Variants in HTT observed in about 807,000 individuals in gnomAD.
The protein encoded by HTT is huntingtin.
In HTT, 104 loss-of-function variants were observed where a neutral mutation model predicts 362.3. The observed-to-expected ratio is 0.29, with a 90% CI of 0.24 to 0.34. The LOEUF is 0.34. Among genes scored for constraint, HTT ranks in the 10% least tolerant of loss-of-function variants. The probability of loss-of-function intolerance (pLI) is 1.00; values close to 1 mark genes in which losing one functional copy is unlikely to be tolerated. For missense variants in HTT, 3,301 were observed against 3,928.6 expected (o/e 0.84, Z 4.27); for synonymous variants, 1,577 against 1,548.7 (o/e 1.02, Z -0.43).
chr4:3,186,914 A>G (rs1021407407), intron 38 of HTT, among the ~76,000 whole-genome samples, 195 bp downstream of exon 38: 1 of 147,338 alleles, frequency 6.8e-6, no homozygotes, highest in Non-Finnish European at 1.5e-5. Context: ...GCTGGAGTAC[A>G]GTGTCATGAT....
intron 29 of HTT, among the ~76,000 whole-genome samples, chr4:3,163,233 G>T (rs915336939): frequency 2.0e-5 from 3 of 152,226 alleles, no homozygotes; most frequent in African/African-American, 7.2e-5. Context: ...TACGTTTATT[G>T]ATTTGCGTAT....
At chr4:3,199,659 A>G (rs1719439046) in intron 40 of HTT, 73 bp from the exon 41 acceptor site, 2 of 1,361,932 alleles carry the variant, frequency 1.5e-6, no homozygotes, top group Non-Finnish European at 1.0e-6. Context: ...ATTTTTATGT[A>G]AAATCTTCGC....
rs1721670569 is a variant in HTT at position 3,238,837 on chromosome 4, G to C, written c.9074G>C (p.Ser3025Thr). 2 of 1,607,916 alleles carry C rather than the reference G, an allele frequency of 1.2e-6. No individual in the cohort carries two copies. Among genetic ancestry groups the C allele is most frequent in the African/African-American group, 1.3e-5 (1 of 74,368 alleles). The change falls in exon 66 of 67, where the codon AGC becomes ACC. Residue 3025 changes from serine (S) to threonine (T), a missense_variant. Ser to Thr is a moderately conservative substitution (Grantham distance 58). Around this residue, in one of 4 missense-constraint regions of HTT, gnomAD observed 753 missense variants for 1,021.3 expected, o/e 0.74. Coordinates refer to ENST00000355072, the MANE Select transcript of HTT (RefSeq NM_001388492.1). Reference protein sequence around the residue: ...VVYKVFQTLHSTGQSSMVRDW... With the variant: ...VVYKVFQTLHTTGQSSMVRDW... ...TTGCAGGTGTTTCAGACTCTGCACA[G>C]CACCGGGCAGTCGTCCATGGTCCGG... is the stretch of plus-strand genomic sequence containing the variant.
intron 49 of HTT, 175 bp downstream of exon 49, chr4:3,212,884 C>G: frequency 1.5e-6 from 1 of 661,536 alleles, no homozygotes. Context: ...CATCCTTCAC[C>G]CTCACCTCGC....
At position 3,215,107 on chromosome 4, in the gene HTT, T is replaced by C. The variant is rs1184409566; in HGVS notation, c.6953-3T>C. On this transcript the variant is annotated splice_polypyrimidine_tract_variant and splice_region_variant and intron_variant, in intron 50 of 66. Coordinates refer to ENST00000355072, the MANE Select transcript of HTT (RefSeq NM_001388492.1). Reference sequence around the variant, plus strand: ...TCTTCTCTTTGTTCTGTTGTAATTTTAGTTGCAGTGCAGCCTGGAGAGCAG... The same window carrying C: ...TCTTCTCTTTGTTCTGTTGTAATTTCAGTTGCAGTGCAGCCTGGAGAGCAG... 6.2e-7 allele frequency: 1 copy of C among 1,609,232 alleles called. No individual in the cohort carries two copies. Among genetic ancestry groups the C allele is most frequent in the Admixed American group, 1.7e-5 (1 of 59,878 alleles).
chr4:3,106,654 T>G (rs1714442794), intron 5 of HTT, among the ~76,000 whole-genome samples: 2 of 152,180 alleles, frequency 1.3e-5, no homozygotes, highest in South Asian at 4.1e-4. Context: ...TTAGTCTGAT[T>G]AGAGTCAGGT....
In HTT at chr4:3,138,085, CTTCCTTCCTTCCTTCT is replaced by C. The variant is rs558195416; in HGVS notation, c.2798+1769_2798+1784del. On this transcript the variant is annotated intron_variant, in intron 21 of 66. Transcript: ENST00000355072. ...CCATTGTTCCTTCCTTCCTTCCTTC[CTTCCTTCCTTCCTTCT>C]TTCCTTCCTCCCTTCCTCCCTCCCT... Among the ~76,000 whole-genome samples the C allele has an allele frequency of 2.8e-3, 417 of 150,648 alleles. 3 individuals are homozygous for C. The highest frequency in any genetic ancestry group is 0.017 in the Middle Eastern group (5 of 288).
At chr4:3,155,787 A>T (rs987910314) in intron 27 of HTT, among the ~76,000 whole-genome samples, 2 of 149,198 alleles carry the variant, frequency 1.3e-5, no homozygotes, top group African/African-American at 4.9e-5. Context: ...CGTCCCAGCT[A>T]CTTGGGAGGC....
rs1488736307 is a variant in HTT at position 3,137,501 on chromosome 4, C to T, written c.2798+1175C>T. Reference sequence around the variant, plus strand: ...ATCACTTGAGGTCAGGAGTTCGAGACCAGCCTGGCCAACATGGTGAAACCT... The same window carrying T: ...ATCACTTGAGGTCAGGAGTTCGAGATCAGCCTGGCCAACATGGTGAAACCT... On this transcript the variant is annotated intron_variant, in intron 21 of 66. Coordinates refer to ENST00000355072, the MANE Select transcript of HTT (RefSeq NM_001388492.1). 2.6e-5 allele frequency among the ~76,000 whole-genome samples: 4 copies of T among 152,180 alleles called. No homozygotes were observed. The East Asian group carries it at 5.8e-4, about 22-fold the overall frequency.
chr4:3,198,368 G>A (rs1165036894), intron 40 of HTT, among the ~76,000 whole-genome samples: 1 of 151,864 alleles, frequency 6.6e-6, no homozygotes, highest in Non-Finnish European at 1.5e-5. Flanking sequence ...GGGATTACAG[G>A]CACCCGCCAC....
chr4:3,090,630 A>AAAACTTCT (rs879889469), intron 2 of HTT, among the ~76,000 whole-genome samples: 5 of 152,252 alleles, frequency 3.3e-5, no homozygotes, highest in Admixed American at 2.6e-4. Context: ...AAACTTTATA[A>AAAACTTCT]AAACTTCTGT....
At chr4:3,088,795 C>G (rs1242604563) in intron 2 of HTT, among the ~76,000 whole-genome samples, 1 of 151,776 alleles carries the variant, frequency 6.6e-6, no homozygotes, top group African/African-American at 2.4e-5. Context: ...GTATTATATA[C>G]TTTCAAAGTG....
In HTT at chr4:3,225,737, C is replaced by T. The variant is rs200527929; in HGVS notation, c.7842C>T (p.Leu2614=). Residue 2614 remains leucine (L), a synonymous_variant, in exon 57 of 67, where the codon CTC becomes CTT. Transcript: ENST00000355072. ...ERELGSMSYK[L]GQVSIHSVWL... ...AGCTGGGGAGCATGAGCTACAAACT[C>T]GGCCAGGTCAGTCTCGCGCCCCCGC... The T allele has an allele frequency of 7.0e-4, 1,131 of 1,613,816 alleles. 5 individuals are homozygous for T. The highest frequency in any genetic ancestry group is 3.6e-3 in the South Asian group (329 of 91,034).
chr4:3,238,466 T>C lies in HTT; in HGVS notation c.8911T>C (p.Cys2971Arg). 6.2e-7 allele frequency: 1 copy of C among 1,611,686 alleles called. No homozygotes were observed. The highest frequency in any genetic ancestry group is 8.5e-7 in the Non-Finnish European group (1 of 1,178,834). The change falls in exon 65 of 67, where the codon TGT becomes CGT. Residue 2971 changes from cysteine to arginine, a missense_variant. Coordinates refer to ENST00000355072, the MANE Select transcript of HTT (RefSeq NM_001388492.1). The part of the protein sequence containing the change: ...LFDRIRKGFP[C>R]EARVVARILP... ...TCCCAGGATCAGGAAAGGCTTTCCTTGTGAAGCCAGAGTGGTGGCCAGGAT... is the reference window on the plus strand; with the variant it reads ...TCCCAGGATCAGGAAAGGCTTTCCTCGTGAAGCCAGAGTGGTGGCCAGGAT...
At chr4:3,080,370 C>T (rs1260149623) in intron 1 of HTT, among the ~76,000 whole-genome samples, 1 of 152,174 alleles carries the variant, frequency 6.6e-6, no homozygotes, top group Non-Finnish European at 1.5e-5. Context: ...GCTGGGATTA[C>T]AGGTTTGGGC....
rs376114909 is a variant in HTT at position 3,127,285 on chromosome 4, G to C, written c.1424G>C (p.Ser475Thr). 20 of 1,614,096 alleles carry C rather than the reference G, an allele frequency of 1.2e-5. No homozygotes were observed. Among genetic ancestry groups the C allele is most frequent in the Non-Finnish European group, 1.6e-5 (19 of 1,179,898 alleles). ...TCAGCCTCAGTGAAGGATGAGATCA[G>C]TGGAGAGCTGGCTGCTTCTTCAGGG... ...ALTASVKDEI[S>T]GELAASSGVS... Residue 475 changes from serine (S) to threonine (T), a missense_variant, in exon 12 of 67, where the codon AGT becomes ACT. Ser to Thr is a moderately conservative substitution (Grantham distance 58). This residue lies in a region of HTT where 2,316 missense variants were observed against 2,658.5 expected (regional missense o/e 0.87). Transcript: ENST00000355072.
At position 3,087,537 on chromosome 4, in the gene HTT, C is replaced by T. The variant is rs74480660; in HGVS notation, c.347+515C>T. On this transcript the variant is annotated intron_variant, in intron 2 of 66. Transcript: ENST00000355072. ...GCTTGATCTTTCTCACTGGGATGAA[C>T]TAGCAGCACCTTCTTTTGTAGCTGC... Among the ~76,000 whole-genome samples, 993 of 152,314 alleles carry T rather than the reference C, an allele frequency of 6.5e-3. 12 individuals carry two copies. The highest frequency in any genetic ancestry group is 0.022 in the African/African-American group (933 of 41,570).
intron 36 of HTT, 152 bp from the exon 37 acceptor site, chr4:3,182,202 G>C: frequency 1.7e-6 from 1 of 575,810 alleles, no homozygotes; most frequent in South Asian, 2.3e-5. Flanking sequence ...TAGAGTGGGG[G>C]TTGCATTAGT....
intron 10 of HTT, among the ~76,000 whole-genome samples, chr4:3,124,108 A>G (rs1291029999): frequency 2.0e-5 from 3 of 152,258 alleles, no homozygotes; most frequent in Non-Finnish European, 4.4e-5. Context: ...ATAGTATGAG[A>G]TACTTAATCA....
Sources: gnomAD v4.1 joint callset for allele counts (sites outside exome capture counted in the v4.1 genomes callset) on GRCh38, gnomAD v4.1.1 for gene constraint, gnomAD v4.1.1 regional missense constraint, MANE v1.5 for transcripts, NCBI Gene and HGNC (gene_info 2026-07-23, HGNC 2026-07-21) for gene names.